Variants in GALNTL6 observed in about 807,000 individuals in gnomAD.
GALNTL6 encodes the protein polypeptide N-acetylgalactosaminyltransferase-like 6.
Under a neutral mutation model 73.7 loss-of-function variants are expected in GALNTL6, and 46 were observed. The ratio of observed to expected loss-of-function variants is 0.62; its 90% CI spans 0.49 to 0.80. The LOEUF is 0.80. Ranked by LOEUF, GALNTL6 falls within the 30% of genes least tolerant of loss-of-function variation. GALNTL6 has a pLI of 0.00. For missense variants in GALNTL6, 604 were observed against 755.0 expected (o/e 0.80, Z 2.34); for synonymous variants, 259 against 263.7 (o/e 0.98, Z 0.17).
intron 5 of GALNTL6, among the ~76,000 whole-genome samples, chr4:172,736,032 G>A (rs1002460457): frequency 9.2e-5 from 14 of 152,130 alleles, no homozygotes; most frequent in African/African-American, 3.4e-4. Flanking sequence ...ATATCACAAG[G>A]GCAGAGAGGC....
intron 2 of GALNTL6, among the ~76,000 whole-genome samples, chr4:172,080,271 C>G (rs1464885287): frequency 1.3e-5 from 2 of 152,050 alleles, no homozygotes; most frequent in African/African-American, 4.8e-5. Context: ...GTTTTAAACT[C>G]CTGGGCTCAA....
At chr4:172,368,011 C>G (rs1160776863) in intron 5 of GALNTL6, among the ~76,000 whole-genome samples, 1 of 152,116 alleles carries the variant, frequency 6.6e-6, no homozygotes, top group Non-Finnish European at 1.5e-5. Context: ...AAATGTGTCA[C>G]AGAAATTCTT....
At chr4:172,023,002 T>C (rs1197544677) in intron 2 of GALNTL6, among the ~76,000 whole-genome samples, 2 of 152,024 alleles carry the variant, frequency 1.3e-5, no homozygotes, top group Admixed American at 1.3e-4. Flanking sequence ...CGTTTACATA[T>C]AAAGTCATTT....
intron 7 of GALNTL6, among the ~76,000 whole-genome samples, chr4:172,821,785 C>T (rs1157773175): frequency 6.6e-6 from 1 of 152,212 alleles, no homozygotes; most frequent in Non-Finnish European, 1.5e-5. Flanking sequence ...TGAATAAGAT[C>T]AATCTCCTTT....
chr4:172,064,796 C>A (rs1304578114), intron 2 of GALNTL6, among the ~76,000 whole-genome samples: 2 of 152,026 alleles, frequency 1.3e-5, no homozygotes, highest in Non-Finnish European at 2.9e-5. Context: ...AAAGTTTGTG[C>A]CTTTTCTTCA....
chr4:172,038,710 C>T (rs1219472712), intron 2 of GALNTL6, among the ~76,000 whole-genome samples: 1 of 152,264 alleles, frequency 6.6e-6, no homozygotes, highest in East Asian at 1.9e-4. Context: ...GCAAAGCCTG[C>T]AGTTATGTTG....
intron 8 of GALNTL6, 103 bp from the exon 9 acceptor site, chr4:172,931,058 T>G: frequency 1.4e-6 from 1 of 725,066 alleles, no homozygotes. Context: ...AATTATTGAT[T>G]TAAAGACTTT....
intron 5 of GALNTL6, among the ~76,000 whole-genome samples, chr4:172,575,409 C>A (rs1405262808): frequency 6.6e-6 from 1 of 152,170 alleles, no homozygotes; most frequent in African/African-American, 2.4e-5. Flanking sequence ...AATTCACATA[C>A]ACCAGCAACA....
intron 5 of GALNTL6, among the ~76,000 whole-genome samples, chr4:172,591,195 C>T (rs954614640): frequency 6.6e-6 from 1 of 152,138 alleles, no homozygotes; most frequent in Non-Finnish European, 1.5e-5. Flanking sequence ...TTAAAGTTTA[C>T]TTTTAGGCAA....
intron 2 of GALNTL6, among the ~76,000 whole-genome samples, chr4:172,113,687 T>C (rs1732915415): frequency 6.6e-6 from 1 of 152,062 alleles, no homozygotes; most frequent in Non-Finnish European, 1.5e-5. Context: ...AATAATGATA[T>C]ACATATTTTT....
intron 3 of GALNTL6, among the ~76,000 whole-genome samples, chr4:172,246,670 T>C (rs1737671079): frequency 6.6e-6 from 1 of 151,856 alleles, no homozygotes; most frequent in African/African-American, 2.4e-5. Flanking sequence ...TTTTACTTTC[T>C]TTACATACTG....
intron 5 of GALNTL6, among the ~76,000 whole-genome samples, chr4:172,385,916 CACAT>C (rs1436347144): frequency 2.0e-5 from 3 of 151,456 alleles, no homozygotes; most frequent in Non-Finnish European, 2.9e-5. Flanking sequence ...TACACACACA[CACAT>C]ATATATATTT....
chr4:171,839,691 G>A (rs1026012238), intron 2 of GALNTL6, among the ~76,000 whole-genome samples: 1 of 146,720 alleles, frequency 6.8e-6, no homozygotes, highest in Non-Finnish European at 1.5e-5. Flanking sequence ...AAAAAAAAAA[G>A]ATGTAATAAA....
chr4:172,280,694 T>C (rs1388268200), intron 3 of GALNTL6, among the ~76,000 whole-genome samples: 1 of 152,120 alleles, frequency 6.6e-6, no homozygotes, highest in Non-Finnish European at 1.5e-5. Flanking sequence ...TAACAATTAA[T>C]ATAAGGACTT....
At chr4:172,144,594 T>C (rs2110746045) in intron 2 of GALNTL6, among the ~76,000 whole-genome samples, 1 of 152,292 alleles carries the variant, frequency 6.6e-6, no homozygotes, top group East Asian at 1.9e-4. Flanking sequence ...AGGTGAATAT[T>C]GTGAAGTTCT....
chr4:172,443,986 G>T (rs1394168810), intron 5 of GALNTL6, among the ~76,000 whole-genome samples: 3 of 152,290 alleles, frequency 2.0e-5, no homozygotes, highest in African/African-American at 4.8e-5. Flanking sequence ...TGGCTATGTG[G>T]TAGCAGATTT....
chr4:172,105,917 TA>T lies in GALNTL6; in HGVS notation c.139-123733del, dbSNP rs149721271. ...AACTTGAATATAAATCATAAATTTT[TA>T]AAAAATGCTAAAAGTTTGAAAACAT... On this transcript the variant is annotated intron_variant, in intron 2 of 12. Coordinates refer to ENST00000506823, the MANE Select transcript of GALNTL6 (RefSeq NM_001034845.3). Among the ~76,000 whole-genome samples the T allele has an allele frequency of 8.4e-3, 1,273 of 152,242 alleles. 22 individuals carry two copies. Among genetic ancestry groups the T allele is most frequent in the African/African-American group, 0.028 (1,164 of 41,568 alleles).
chr4:172,865,189 G>A (rs1352680706), intron 7 of GALNTL6, among the ~76,000 whole-genome samples: 3 of 152,226 alleles, frequency 2.0e-5, no homozygotes, highest in Non-Finnish European at 4.4e-5. Flanking sequence ...TGCTGTCATA[G>A]AGAAAAGGCT....
chr4:172,994,513 A>G (rs141156492), intron 10 of GALNTL6, among the ~76,000 whole-genome samples: 3 of 152,346 alleles, frequency 2.0e-5, no homozygotes, highest in African/African-American at 7.2e-5. Flanking sequence ...AAGTAGTTAT[A>G]CCATGAAATA....
Sources: gnomAD v4.1 joint callset for allele counts (sites outside exome capture counted in the v4.1 genomes callset) on GRCh38, gnomAD v4.1.1 for gene constraint, MANE v1.5 for transcripts, NCBI Gene and HGNC (gene_info 2026-07-23, HGNC 2026-07-21) for gene names.